PCDHGA6: variants seen among roughly 807,000 people sequenced by gnomAD.
PCDHGA6 encodes protocadherin gamma subfamily A, 6.
A neutral mutation model predicts 60.6 loss-of-function variants in PCDHGA6; 41 were observed. That is an observed-to-expected ratio of 0.68 (90% CI 0.53 to 0.88). The LOEUF (loss-of-function observed/expected upper bound fraction) is 0.88. Among genes scored for constraint, PCDHGA6 ranks in the 40% least tolerant of loss-of-function variants. The pLI is 0.00. For missense variants in PCDHGA6, 1,312 were observed against 1,203.0 expected (o/e 1.09, Z -1.34); for synonymous variants, 594 against 524.4 (o/e 1.13, Z -1.81).
chr5:141,462,354 C>T (rs1157515386), intron 1 of PCDHGA6, among the ~76,000 whole-genome samples: 1 of 152,162 alleles, frequency 6.6e-6, no homozygotes, highest in Non-Finnish European at 1.5e-5. Flanking sequence ...CAAAAATATA[C>T]ATTGTATAGT....
At chr5:141,419,125 C>T in intron 1 of PCDHGA6, 1 of 1,613,852 alleles carries the variant, frequency 6.2e-7, no homozygotes, top group South Asian at 1.1e-5. Flanking sequence ...ACGTCACCAT[C>T]GCAGCCACAG....
Position 141,491,706 on chromosome 5 carries a change from G to T in PCDHGA6, c.2425-3101G>T. 6.2e-7 allele frequency: 1 copy of T among 1,611,088 alleles called. No individual in the cohort carries two copies. Among genetic ancestry groups the T allele is most frequent in the Non-Finnish European group, 8.5e-7 (1 of 1,178,772 alleles). On this transcript the variant is annotated intron_variant, in intron 1 of 3. Coordinates refer to ENST00000517434, the MANE Select transcript of PCDHGA6 (RefSeq NM_018919.3). The surrounding 1 kb of genome is among the most constrained non-coding windows in gnomAD (Gnocchi z 6.9). Reference sequence around the variant, plus strand: ...CGCTGCGGGAGCGGAGCCAGGTGAGGGGCTCGGCGCCGCCCCGGGCGACCC... The same window carrying T: ...CGCTGCGGGAGCGGAGCCAGGTGAGTGGCTCGGCGCCGCCCCGGGCGACCC...
At chr5:141,439,472 A>G (rs1185561573) in intron 1 of PCDHGA6, among the ~76,000 whole-genome samples, 3 of 152,228 alleles carry the variant, frequency 2.0e-5, no homozygotes, top group Non-Finnish European at 4.4e-5. Flanking sequence ...GCTGCCTTTC[A>G]GCTTGCAAAT....
At position 141,374,529 on chromosome 5, in the gene PCDHGA6, C is replaced by G; in HGVS notation, c.446C>G (p.Ser149Cys). 1 of 1,613,042 alleles carries G rather than the reference C, an allele frequency of 6.2e-7. No individual in the cohort carries two copies. The highest frequency in any genetic ancestry group is 2.2e-5 in the East Asian group (1 of 44,834). The part of the protein sequence containing the change: ...EVKILENAAP[S>C]SRFPLMEVYD... ...AAAATTCTCGAAAACGCAGCTCCAT[C>G]CTCTCGTTTTCCACTAATGGAGGTC... Residue 149 changes from serine to cysteine, a missense_variant, in exon 1 of 4, where the codon TCC (serine) becomes TGC (cysteine). Physicochemically the swap from Ser to Cys is moderately radical, Grantham distance 112. Coordinates refer to ENST00000517434, the MANE Select transcript of PCDHGA6 (RefSeq NM_018919.3).
At chr5:141,394,151 C>T in intron 1 of PCDHGA6, 2 of 1,613,900 alleles carry the variant, frequency 1.2e-6, no homozygotes, top group Non-Finnish European at 1.7e-6. Context: ...CAGACATTAA[C>T]GACAACCCTC....
intron 1 of PCDHGA6, chr5:141,384,514 G>A: frequency 1.2e-6 from 2 of 1,614,194 alleles, no homozygotes; most frequent in Non-Finnish European, 1.7e-6. Flanking sequence ...TGACAGCGGG[G>A]ACCCGCCTCT....
intron 1 of PCDHGA6, among the ~76,000 whole-genome samples, chr5:141,463,191 C>T (rs2099054821): frequency 6.6e-6 from 1 of 152,100 alleles, no homozygotes; most frequent in Non-Finnish European, 1.5e-5. Flanking sequence ...TATTATTTAG[C>T]CAAAGACTTG....
chr5:141,399,894 C>G lies in PCDHGA6; in HGVS notation c.2424+23387C>G, dbSNP rs201911174. ...GCTACCTGGTGACCAAGGTAGTGGC[C>G]GTGGACGCAGACTCAGGACACAACG... On this transcript the variant is annotated intron_variant, in intron 1 of 3. Transcript: ENST00000517434. 9.2e-4 allele frequency: 1,477 copies of G among 1,612,556 alleles called. 21 individuals carry two copies. In the South Asian group the frequency reaches 0.015, roughly 17 times the overall value.
chr5:141,421,535 G>A, intron 1 of PCDHGA6: 7 of 1,614,032 alleles, frequency 4.3e-6, no homozygotes, highest in East Asian at 2.2e-5. Flanking sequence ...GTGTCCTCCT[G>A]TTTTTTAAAT....
intron 1 of PCDHGA6, among the ~76,000 whole-genome samples, chr5:141,380,091 G>T (rs538586012): frequency 6.6e-6 from 1 of 151,576 alleles, no homozygotes; most frequent in African/African-American, 2.4e-5. Flanking sequence ...GTAGAGATGG[G>T]GTTTTACCAT....
At chr5:141,392,885 G>C in intron 1 of PCDHGA6, 1 of 1,613,654 alleles carries the variant, frequency 6.2e-7, no homozygotes, top group Non-Finnish European at 8.5e-7. Flanking sequence ...GAACGCTGTG[G>C]GAAATCGGGA....
rs755093164 is a variant in PCDHGA6, at chr5:141,485,516, G to C, written c.2425-9291G>C. On this transcript the variant is annotated intron_variant, in intron 1 of 3. Coordinates refer to ENST00000517434, the MANE Select transcript of PCDHGA6 (RefSeq NM_018919.3). The surrounding 1 kb of genome is among the most constrained non-coding windows in gnomAD (Gnocchi z 5.7). Reference sequence around the variant, plus strand: ...GGAGTTTGTCACCGAAGGTCCTTTGGAAATGTACCGAGCAGAGGTAGAGAT... The same window carrying C: ...GGAGTTTGTCACCGAAGGTCCTTTGCAAATGTACCGAGCAGAGGTAGAGAT... 1 of 1,614,172 alleles carries C rather than the reference G, an allele frequency of 6.2e-7. No individual in the cohort carries two copies.
chr5:141,422,800 C>A (rs1470748782), intron 1 of PCDHGA6: 1 of 1,614,094 alleles, frequency 6.2e-7, no homozygotes, highest in Non-Finnish European at 8.5e-7. Flanking sequence ...CGACTATGAG[C>A]AGTTTCGAGA....
chr5:141,405,238 C>T, intron 1 of PCDHGA6: 1 of 1,614,168 alleles, frequency 6.2e-7, no homozygotes, highest in African/African-American at 1.3e-5. Flanking sequence ...TCACCGCTGA[C>T]TCAAGGAAGA....
At chr5:141,505,523 G>C in intron 3 of PCDHGA6, 42 bp downstream of exon 3, 2 of 1,612,760 alleles carry the variant, frequency 1.2e-6, no homozygotes, top group South Asian at 2.2e-5. Context: ...GGGAGACCTG[G>C]GGTTCTGGGG....
chr5:141,400,231 G>T (rs572459159), intron 1 of PCDHGA6: 62 of 1,613,870 alleles, frequency 3.8e-5, no homozygotes, highest in Non-Finnish European at 5.1e-5. Flanking sequence ...CTTCCTCCTG[G>T]CCGTGATTCT....
chr5:141,473,147 T>A (rs2099315103), intron 1 of PCDHGA6, among the ~76,000 whole-genome samples: 1 of 152,222 alleles, frequency 6.6e-6, no homozygotes, highest in Admixed American at 6.5e-5. Flanking sequence ...TCTCTTCAGA[T>A]CACTAGGGCT....
At chr5:141,424,129 T>G in intron 1 of PCDHGA6, 1 of 492,066 alleles carries the variant, frequency 2.0e-6, no homozygotes, top group Non-Finnish European at 2.7e-6. Context: ...TCCTGTTGAT[T>G]TAATAGCATG....
intron 1 of PCDHGA6, among the ~76,000 whole-genome samples, chr5:141,458,436 C>T (rs2098945707): frequency 6.6e-6 from 1 of 152,056 alleles, no homozygotes; most frequent in Non-Finnish European, 1.5e-5. Context: ...AAGAGGAGGT[C>T]CCCCACATTA....
Sources: allele counts gnomAD v4.1 joint callset (sites outside exome capture counted in the v4.1 genomes callset), GRCh38; gene constraint gnomAD v4.1.1; non-coding constraint Gnocchi (gnomAD v3.1); transcripts MANE v1.5; gene names NCBI Gene and HGNC (gene_info 2026-07-23, HGNC 2026-07-21).